The following FIRRM variants were observed in gnomAD, a reference collection of about 807,000 sequenced individuals.
FIRRM encodes the protein FIGNL1-interacting regulator of recombination and mitosis.
the FIRRM span, chr1:169,852,052 A>T: frequency 2.3e-5 from 32 of 1,399,174 alleles, no homozygotes; most frequent in Non-Finnish European, 3.2e-5. Flanking sequence ...CAAATCAAAT[A>T]GATCTAGACA....
the FIRRM span, among the ~76,000 whole-genome samples, chr1:169,811,773 CTAAATAGATAATAGACAGAT>C: frequency 6.7e-6 from 1 of 149,810 alleles, no homozygotes; most frequent in African/African-American, 2.5e-5. Flanking sequence ...GACAGATTAT[CTAAATAGATAATAGACAGAT>C]TATCTAAATA....
the FIRRM span, chr1:169,803,319 G>A: frequency 6.2e-7 from 1 of 1,612,624 alleles, no homozygotes; most frequent in Non-Finnish European, 8.5e-7. Flanking sequence ...GGTGAGTAAA[G>A]GTCTAATTAT....
At chr1:169,799,075 A>G in the FIRRM span, 7 of 404,262 alleles carry the variant, frequency 1.7e-5, no homozygotes, top group South Asian at 1.4e-4. Flanking sequence ...ACTGTTCTCT[A>G]TGTTACAGCC....
the FIRRM span, chr1:169,800,848 C>A: frequency 9.2e-7 from 1 of 1,092,272 alleles, no homozygotes; most frequent in Non-Finnish European, 1.4e-6. Flanking sequence ...ACTGACATGA[C>A]AATATTTTTA....
At chr1:169,852,846 G>A in the FIRRM span, 171 of 1,613,974 alleles carry the variant, frequency 1.1e-4, no homozygotes, top group South Asian at 6.3e-4. Flanking sequence ...ACAGGTCAGC[G>A]CTGCATACAA....
At chr1:169,791,485 G>A in the FIRRM span, among the ~76,000 whole-genome samples, 1 of 152,212 alleles carries the variant, frequency 6.6e-6, no homozygotes, top group Admixed American at 6.5e-5. Context: ...ATGAAAGAGT[G>A]TAAAGATTTT....
the FIRRM span, among the ~76,000 whole-genome samples, chr1:169,819,244 C>T: frequency 1.3e-5 from 2 of 152,336 alleles, no homozygotes; most frequent in South Asian, 4.1e-4. Flanking sequence ...ATTCTGTGAT[C>T]AGCCCATCAC....
At chr1:169,793,774 C>T in the FIRRM span, 1 of 1,350,190 alleles carries the variant, frequency 7.4e-7, no homozygotes, top group Middle Eastern at 2.0e-4. Context: ...CACAAATCTG[C>T]CTCAATTATT....
chr1:169,808,572 T>G, the FIRRM span, among the ~76,000 whole-genome samples: 7 of 151,676 alleles, frequency 4.6e-5, no homozygotes, highest in East Asian at 1.4e-3. Flanking sequence ...ATTATAAGAT[T>G]AATAGTACTC....
chr1:169,793,590 A>T, the FIRRM span: 1 of 1,614,172 alleles, frequency 6.2e-7, no homozygotes, highest in Non-Finnish European at 8.5e-7. Context: ...TGACTTTCTG[A>T]GACTGACAGC....
the FIRRM span, among the ~76,000 whole-genome samples, chr1:169,790,736 C>T: frequency 4.6e-5 from 7 of 152,142 alleles, no homozygotes; most frequent in Admixed American, 1.3e-4. Context: ...GTATTATGAG[C>T]CTCTATCCAG....
At chr1:169,825,555 T>G in the FIRRM span, among the ~76,000 whole-genome samples, 3 of 152,206 alleles carry the variant, frequency 2.0e-5, no homozygotes, top group African/African-American at 7.2e-5. Flanking sequence ...ATTGAAAAAA[T>G]AAATTCTTGC....
the FIRRM span, chr1:169,807,716 A>C: frequency 2.4e-6 from 3 of 1,273,382 alleles, no homozygotes; most frequent in Non-Finnish European, 2.1e-6. Flanking sequence ...TCTACAAGGT[A>C]GATATTGTTA....
At chr1:169,837,992 C>T in the FIRRM span, among the ~76,000 whole-genome samples, 2 of 152,060 alleles carry the variant, frequency 1.3e-5, no homozygotes, top group Admixed American at 1.3e-4. Context: ...GGCTGGAGTG[C>T]AATGGTGTGA....
the FIRRM span, among the ~76,000 whole-genome samples, chr1:169,806,734 G>A: frequency 3.9e-5 from 6 of 152,194 alleles, no homozygotes; most frequent in African/African-American, 1.4e-4. Context: ...TAAGAGTGTT[G>A]CCTGGGAGCT....
chr1:169,834,914 ATGT>A, the FIRRM span, among the ~76,000 whole-genome samples: 2 of 152,156 alleles, frequency 1.3e-5, no homozygotes, highest in South Asian at 2.1e-4. Flanking sequence ...CACAAATCAA[ATGT>A]TGTTGGGTGT....
At chr1:169,842,479 AAAAC>A in the FIRRM span, 1 of 1,614,084 alleles carries the variant, frequency 6.2e-7, no homozygotes. Flanking sequence ...TGGATACAGG[AAAAC>A]AAACTGCAAT....
the FIRRM span, chr1:169,853,945 A>AAAC: frequency 1.7e-5 from 12 of 719,302 alleles, no homozygotes; most frequent in East Asian, 3.2e-4. Flanking sequence ...TAGGATTACA[A>AAAC]AACCATGGCA....
the FIRRM span, among the ~76,000 whole-genome samples, chr1:169,844,933 A>AGAGC: frequency 6.6e-6 from 1 of 152,200 alleles, no homozygotes; most frequent in Admixed American, 6.5e-5. Context: ...TTTCAGCCCA[A>AGAGC]GAGCTAGGCA....
Sources: gnomAD v4.1 joint callset for allele counts (sites outside exome capture counted in the v4.1 genomes callset) on GRCh38, gnomAD v4.1.1 for gene constraint, MANE v1.5 for transcripts, NCBI Gene and HGNC (gene_info 2026-07-23, HGNC 2026-07-21) for gene names.